The following GMDS variants were observed in gnomAD, a reference collection of about 807,000 sequenced individuals.
GMDS encodes GDP-mannose 4,6 dehydratase.
GMDS carries 20 observed loss-of-function variants against 49.9 expected under a neutral mutation model. The observed-to-expected ratio is 0.40, with a 90% CI of 0.28 to 0.58. The LOEUF (loss-of-function observed/expected upper bound fraction) is 0.58, where lower values mean the gene tolerates loss of function less well. Among genes scored for constraint, GMDS ranks in the 20% least tolerant of loss-of-function variants. The pLI is 0.42. For missense variants in GMDS, 362 were observed against 481.4 expected, an observed-to-expected ratio of 0.75 and a Z score of 2.32; for synonymous variants, 177 against 178.6, an observed-to-expected ratio of 0.99 and a Z score of 0.07.
Position 1,845,861 on chromosome 6 carries a change from C to T in GMDS, c.771+84242G>A, listed in dbSNP as rs145535489. Reference sequence around the variant, plus strand: ...CCACCACTCACCTCCTGCTGTGCGGCCTGGTTCCTAACAGGCCATGGACCA... The same window carrying T: ...CCACCACTCACCTCCTGCTGTGCGGTCTGGTTCCTAACAGGCCATGGACCA... On this transcript the variant is annotated intron_variant, in intron 7 of 10. Transcript: ENST00000380815. Among the ~76,000 whole-genome samples the T allele has an allele frequency of 6.0e-3, 919 of 152,170 alleles. 9 individuals are homozygous for T. Among genetic ancestry groups the T allele is most frequent in the African/African-American group, 0.021 (862 of 41,496 alleles).
At chr6:2,105,208 A>G (rs1430117536) in intron 4 of GMDS, among the ~76,000 whole-genome samples, 1 of 150,818 alleles carries the variant, frequency 6.6e-6, no homozygotes, top group African/African-American at 2.4e-5. Context: ...AAAAAAAGAA[A>G]TGATCACTAA....
intron 1 of GMDS, among the ~76,000 whole-genome samples, chr6:2,207,147 G>A (rs1417480738): frequency 4.6e-5 from 7 of 152,126 alleles, no homozygotes; most frequent in African/African-American, 1.4e-4. Context: ...TGCTGATTAC[G>A]GGGTCAACAA....
chr6:1,853,446 A>C (rs556000171), intron 7 of GMDS, among the ~76,000 whole-genome samples: 15 of 136,892 alleles, frequency 1.1e-4, no homozygotes, highest in Non-Finnish European at 1.5e-4. Context: ...TGAACCCGGG[A>C]GGCGGAGCTT....
At chr6:2,000,938 T>C (rs1347148605) in intron 4 of GMDS, among the ~76,000 whole-genome samples, 1 of 152,242 alleles carries the variant, frequency 6.6e-6, no homozygotes. Flanking sequence ...TTAGCTGCTA[T>C]GAGTAGCACT....
At chr6:1,725,504 G>C (rs1310680425) in intron 9 of GMDS, among the ~76,000 whole-genome samples, 1 of 152,064 alleles carries the variant, frequency 6.6e-6, no homozygotes, top group Non-Finnish European at 1.5e-5. Flanking sequence ...CGCGATCTCG[G>C]CTCACTGCAA....
At chr6:1,856,007 C>T (rs1757923283) in intron 7 of GMDS, among the ~76,000 whole-genome samples, 1 of 152,104 alleles carries the variant, frequency 6.6e-6, no homozygotes, top group African/African-American at 2.4e-5. Flanking sequence ...CTCTCAAATC[C>T]AAAATCTCCC....
intron 7 of GMDS, among the ~76,000 whole-genome samples, chr6:1,781,128 G>T (rs2113609839): frequency 1.3e-5 from 2 of 152,172 alleles, no homozygotes; most frequent in Non-Finnish European, 2.9e-5. Context: ...ACAGCTTGCT[G>T]TTTAGAAAAA....
intron 4 of GMDS, among the ~76,000 whole-genome samples, chr6:2,105,181 CA>C (rs530164439): frequency 0.21 from 13,688 of 64,778 alleles, 299 homozygotes; most frequent in South Asian, 0.3. Flanking sequence ...GACTCCGTCT[CA>C]AAAAAAAAAA....
At chr6:1,654,831 G>C (rs1028713581) in intron 9 of GMDS, among the ~76,000 whole-genome samples, 3 of 152,116 alleles carry the variant, frequency 2.0e-5, no homozygotes, top group Non-Finnish European at 4.4e-5. Flanking sequence ...GGGAGCTCGA[G>C]GTGGGCGGAT....
intron 9 of GMDS, among the ~76,000 whole-genome samples, chr6:1,701,074 G>C (rs1305665803): frequency 6.6e-6 from 1 of 152,168 alleles, no homozygotes; most frequent in Non-Finnish European, 1.5e-5. Context: ...AGAATGACTA[G>C]ATACCCGCCT....
intron 9 of GMDS, among the ~76,000 whole-genome samples, chr6:1,648,028 C>A (rs1199680249): frequency 1.3e-5 from 2 of 152,174 alleles, no homozygotes; most frequent in African/African-American, 4.8e-5. Flanking sequence ...GGAACTCGGT[C>A]TTGTTCATTA....
intron 4 of GMDS, among the ~76,000 whole-genome samples, chr6:2,094,977 A>T (rs1421591608): frequency 1.3e-5 from 2 of 152,324 alleles, no homozygotes; most frequent in Admixed American, 1.3e-4. Flanking sequence ...ATTCTCTATG[A>T]AATTTTCTCA....
intron 7 of GMDS, among the ~76,000 whole-genome samples, chr6:1,903,864 G>A (rs1760624917): frequency 6.6e-6 from 1 of 152,176 alleles, no homozygotes; most frequent in African/African-American, 2.4e-5. Flanking sequence ...CTGGGGAGAT[G>A]CAGCCACCAG....
chr6:1,809,418 A>G (rs1317105291), intron 7 of GMDS, among the ~76,000 whole-genome samples: 2 of 152,224 alleles, frequency 1.3e-5, no homozygotes, highest in African/African-American at 4.8e-5. Flanking sequence ...ATTACATTCT[A>G]AAGCACAATA....
At chr6:1,944,657 G>A (rs1401948015) in intron 6 of GMDS, among the ~76,000 whole-genome samples, 318 of 133,156 alleles carry the variant, frequency 2.4e-3, no homozygotes, top group African/African-American at 9.0e-3. Context: ...GTGACAGAGC[G>A]AGACTCCGTC....
intron 1 of GMDS, among the ~76,000 whole-genome samples, chr6:2,196,248 A>G (rs1328316161): frequency 6.6e-6 from 1 of 152,258 alleles, no homozygotes; most frequent in Non-Finnish European, 1.5e-5. Context: ...CGCAGATGCT[A>G]TATACTTGAG....
intron 4 of GMDS, among the ~76,000 whole-genome samples, chr6:2,062,973 C>T (rs1218663522): frequency 6.6e-6 from 1 of 152,114 alleles, no homozygotes; most frequent in Non-Finnish European, 1.5e-5. Context: ...ACAGTAGCTA[C>T]AGCATTACTG....
chr6:2,069,736 T>C (rs1408047565), intron 4 of GMDS, among the ~76,000 whole-genome samples: 3 of 152,202 alleles, frequency 2.0e-5, no homozygotes, highest in African/African-American at 7.2e-5. Context: ...TCACACCAGT[T>C]AGAATGGCAA....
intron 4 of GMDS, among the ~76,000 whole-genome samples, chr6:2,110,823 T>C (rs1774506220): frequency 1.3e-5 from 2 of 152,146 alleles, no homozygotes; most frequent in Admixed American, 1.3e-4. Flanking sequence ...GTATGGGTTA[T>C]TCAATCTGAG....
Sources: allele counts gnomAD v4.1 joint callset (sites outside exome capture counted in the v4.1 genomes callset), GRCh38; gene constraint gnomAD v4.1.1; transcripts MANE v1.5; gene names NCBI Gene and HGNC (gene_info 2026-07-23, HGNC 2026-07-21).